The following ARHGAP36 variants were observed in gnomAD, a reference collection of about 807,000 sequenced individuals.
The protein encoded by ARHGAP36 is Rho GTPase activating protein 36, also known as rho GTPase-activating protein 36.
In ARHGAP36, 7 loss-of-function variants were observed where a neutral mutation model predicts 32.9. That is an observed-to-expected ratio of 0.21 (90% CI 0.12 to 0.40). The LOEUF is 0.40. ARHGAP36 is among the 10% of genes least tolerant of loss of function. ARHGAP36 has a pLI of 1.00. For missense variants in ARHGAP36, 383 were observed against 442.2 expected (o/e 0.87, Z 1.20); for synonymous variants, 165 against 168.3 (o/e 0.98, Z 0.15).
Position 131,088,661 on chromosome X carries a change from C to T in ARHGAP36, c.1520C>T (p.Thr507Ile), listed in dbSNP as rs201012543. Residue 507 changes from threonine to isoleucine, a missense_variant, in exon 12 of 12, where the codon ACT (threonine) becomes ATT (isoleucine). By Grantham distance (89) the Thr-to-Ile change is moderately conservative. Coordinates refer to ENST00000276211, the MANE Select transcript of ARHGAP36 (RefSeq NM_144967.4). ...GAGGAGCCAGCTGTGCCTTCCGGCA[C>T]TGCCCGTTCCCATGACGATGAGGAA... The part of the protein sequence containing the change: ...SSEEPAVPSG[T>I]ARSHDDEEGA... The T allele has an allele frequency of 2.3e-5, 28 of 1,209,702 alleles. No homozygotes were observed. Among genetic ancestry groups the T allele is most frequent in the Admixed American group, 1.8e-4 (8 of 45,710 alleles).
chrX:131,084,539 G>A lies in ARHGAP36; in HGVS notation c.749-87G>A, dbSNP rs767326463. ...ATTCCCCTGACACCCAGTGGAGGTC[G>A]CGATGCAGTAGGGGGTGAGGGGAGA... On this transcript the variant is annotated intron_variant, in intron 5 of 11. Transcript: ENST00000276211. The A allele has an allele frequency of 8.8e-6, 10 of 1,142,271 alleles. No homozygotes were observed. In the African/African-American group the frequency reaches 1.8e-4, roughly 21 times the overall value. The allele number at this position is 1,142,271 out of a possible 1,213,427, so 94.1% of individuals were successfully genotyped here. A position where few individuals can be genotyped will look rare whatever the true frequency, so the allele number is the denominator to read the frequency against.
Position 131,081,471 on chromosome X carries a change from A to G in ARHGAP36, c.-142-53A>G, listed in dbSNP as rs180818351. 2,468 of 918,378 alleles carry G rather than the reference A, an allele frequency of 2.7e-3. 2 individuals carry two copies. Among genetic ancestry groups the G allele is most frequent in the Non-Finnish European group, 3.1e-3 (2,270 of 737,262 alleles). The allele number at this position is 918,378 out of a possible 1,213,427, so 75.7% of individuals were successfully genotyped here. On this transcript the variant is annotated intron_variant, in intron 1 of 11. Coordinates refer to ENST00000276211, the MANE Select transcript of ARHGAP36 (RefSeq NM_144967.4). ...TCTAATTAGGTTTTCTTTTTCCTGG[A>G]CTATCTGTTAAGGGCTGAATTTTTG...
intron 1 of ARHGAP36, among the ~76,000 whole-genome samples, chrX:131,068,046 C>T (rs1168991057): frequency 1.8e-5 from 2 of 111,762 alleles, no homozygotes; most frequent in Non-Finnish European, 3.8e-5. Context: ...TCAAACCGCA[C>T]CCACATAATC....
intron 2 of ARHGAP36, 115 bp from the exon 3 acceptor site, chrX:131,083,050 A>T: frequency 1.4e-6 from 1 of 727,994 alleles, no homozygotes; most frequent in East Asian, 3.3e-5. Flanking sequence ...CCCGCTGGGC[A>T]GAGCTCGCCT....
In ARHGAP36 at chrX:131,085,913, G is replaced by A. The variant is rs147092847; in HGVS notation, c.1105G>A (p.Val369Ile). The A allele has an allele frequency of 1.7e-6, 2 of 1,210,853 alleles. No homozygotes were observed. The highest frequency in any genetic ancestry group is 1.1e-6 in the Non-Finnish European group (1 of 895,104). Residue 369 changes from valine (V) to isoleucine (I), a missense_variant and splice_region_variant, in exon 9 of 12, where the codon GTC becomes ATC. By Grantham distance (29) the Val-to-Ile change is conservative (BLOSUM62 3). This residue lies in a region of ARHGAP36 where 227 missense variants were observed against 311.3 expected (regional missense o/e 0.73). Transcript: ENST00000276211. Reference sequence around the variant, plus strand: ...TCACTTTCTGCTTTCCTTTGCCTAGGTCCCAGGCAACCGTATGACTTCCAC... The same window carrying A: ...TCACTTTCTGCTTTCCTTTGCCTAGATCCCAGGCAACCGTATGACTTCCAC... ...EDSIGIDGQLVPGNRMTSTNL... is the reference protein window; with the variant it reads ...EDSIGIDGQLIPGNRMTSTNL...
chrX:131,075,623 A>ATGTGTGTG (rs5903808), intron 1 of ARHGAP36, among the ~76,000 whole-genome samples: 2,611 of 98,087 alleles, frequency 0.027, 27 homozygotes, highest in Middle Eastern at 0.037. Context: ...GTGTATATAT[A>ATGTGTGTG]TGTGTGTGTG....
chrX:131,064,271 C>T (rs1233196314), intron 1 of ARHGAP36, among the ~76,000 whole-genome samples: 1 of 111,767 alleles, frequency 8.9e-6, no homozygotes, highest in Non-Finnish European at 1.9e-5. Flanking sequence ...GTCTCATTAA[C>T]ACTGCGAGGA....
intron 1 of ARHGAP36, among the ~76,000 whole-genome samples, chrX:131,069,306 C>T (rs780212683): frequency 2.7e-5 from 3 of 111,791 alleles, no homozygotes; most frequent in Non-Finnish European, 5.7e-5. Context: ...CCTCCCCCTC[C>T]GACTACCCCG....
Position 131,083,874 on chromosome X carries a change from G to T in ARHGAP36, c.460G>T (p.Val154Leu). ...GGCTGCGGGCCGTCGTCGGGGAAAC[G>T]TGGTGCGAAGGGTGTTTGGCCGCAT... The part of the protein sequence containing the change: ...GQAAGRRRGN[V>L]VRRVFGRIRR... The change falls in exon 4 of 12, where the codon GTG (valine) becomes TTG (leucine). Residue 154 changes from valine (V) to leucine (L), a missense_variant. This residue lies in a region of ARHGAP36 where 156 missense variants were observed against 131.0 expected (regional missense o/e 1.19). Coordinates refer to ENST00000276211, the MANE Select transcript of ARHGAP36 (RefSeq NM_144967.4). 8.2e-7 allele frequency: 1 copy of T among 1,212,318 alleles called. No individual in the cohort carries two copies. Among genetic ancestry groups the T allele is most frequent in the Non-Finnish European group, 1.1e-6 (1 of 895,666 alleles).
intron 1 of ARHGAP36, among the ~76,000 whole-genome samples, chrX:131,065,403 G>T (rs1366488424): frequency 9.0e-6 from 1 of 111,622 alleles, no homozygotes; most frequent in African/African-American, 3.3e-5. Flanking sequence ...GTGTGCTGGT[G>T]TTGAGAAGCA....
intron 11 of ARHGAP36, among the ~76,000 whole-genome samples, 169 bp from the exon 12 acceptor site, chrX:131,088,459 T>C (rs1247055088): frequency 8.9e-6 from 1 of 112,390 alleles, no homozygotes; most frequent in East Asian, 2.8e-4. Context: ...ATCTGTGTTC[T>C]GCTGTCAGGC....
At chrX:131,087,658 C>T (rs1391760243) in intron 11 of ARHGAP36, among the ~76,000 whole-genome samples, 1 of 111,739 alleles carries the variant, frequency 8.9e-6, no homozygotes, top group Non-Finnish European at 1.9e-5. Flanking sequence ...TAGTCACAGG[C>T]CCTGAAAATG....
intron 4 of ARHGAP36, 114 bp from the exon 5 acceptor site, chrX:131,084,101 G>C (rs1026646553): frequency 1.7e-5 from 18 of 1,037,604 alleles, no homozygotes; most frequent in Non-Finnish European, 2.2e-5. Flanking sequence ...TGGTGTCCTT[G>C]GCTTGCCACA....
intron 1 of ARHGAP36, 138 bp from the exon 2 acceptor site, chrX:131,081,386 T>C: frequency 2.1e-6 from 1 of 475,418 alleles, no homozygotes; most frequent in Non-Finnish European, 2.9e-6. Context: ...AGTGCTTTTG[T>C]TAAAAAATGT....
intron 6 of ARHGAP36, 83 bp downstream of exon 6, chrX:131,084,764 T>G: frequency 8.5e-7 from 1 of 1,175,649 alleles, no homozygotes; most frequent in Non-Finnish European, 1.2e-6. Context: ...CCTGACTACC[T>G]GGTGGGGGGA....
intron 1 of ARHGAP36, among the ~76,000 whole-genome samples, chrX:131,062,080 A>T (rs1042138093): frequency 8.9e-6 from 1 of 112,258 alleles, no homozygotes; most frequent in Admixed American, 9.4e-5. Context: ...ATGTCCAACA[A>T]TAGTGGAATG....
Position 131,088,643 on chromosome X carries a change from C to T in ARHGAP36, c.1502C>T (p.Pro501Leu). The stretch of plus-strand genomic sequence containing the variant: ...TATTTTTCAGGTTCCTCTGAGGAGC[C>T]AGCTGTGCCTTCCGGCACTGCCCGT... Reference protein sequence around the residue: ...KPSDEGSSEEPAVPSGTARSH... With the variant: ...KPSDEGSSEELAVPSGTARSH... Residue 501 changes from proline to leucine, a missense_variant, in exon 12 of 12, where the codon CCA becomes CTA. Pro to Leu is a moderately conservative substitution (Grantham distance 98). Coordinates refer to ENST00000276211, the MANE Select transcript of ARHGAP36 (RefSeq NM_144967.4). The T allele has an allele frequency of 8.3e-7, 1 of 1,209,983 alleles. No homozygotes were observed. The highest frequency in any genetic ancestry group is 1.1e-6 in the Non-Finnish European group (1 of 894,960).
chrX:131,071,869 C>G (rs776864885), intron 1 of ARHGAP36, among the ~76,000 whole-genome samples: 12 of 111,611 alleles, frequency 1.1e-4, no homozygotes, highest in Admixed American at 8.5e-4. Context: ...TTACTTGGCC[C>G]AAGACAGGAG....
At chrX:131,083,567 A>G in intron 3 of ARHGAP36, 167 bp from the exon 4 acceptor site, 1 of 530,259 alleles carries the variant, frequency 1.9e-6, no homozygotes, top group South Asian at 2.9e-5. Context: ...TCGCCAAACC[A>G]CTGCGGGGTC....
Sources: gnomAD v4.1 joint callset for allele counts (sites outside exome capture counted in the v4.1 genomes callset) on GRCh38, gnomAD v4.1.1 for gene constraint, gnomAD v4.1.1 regional missense constraint, MANE v1.5 for transcripts, NCBI Gene and HGNC (gene_info 2026-07-23, HGNC 2026-07-21) for gene names.